CDH23: variants seen among roughly 807,000 people sequenced by gnomAD.
The protein encoded by CDH23 is cadherin related 23, also known as cadherin-23.
Under a neutral mutation model 317.1 loss-of-function variants are expected in CDH23, and 189 were observed. The observed-to-expected ratio is 0.60, with a 90% CI of 0.53 to 0.67. The LOEUF (loss-of-function observed/expected upper bound fraction) is 0.67. Among genes scored for constraint, CDH23 ranks in the 30% least tolerant of loss-of-function variants. The probability of loss-of-function intolerance (pLI) is 0.00; values close to 1 mark genes in which losing one functional copy is unlikely to be tolerated. For missense variants in CDH23, 4,401 were observed against 4,592.4 expected (o/e 0.96, Z 1.20); for synonymous variants, 1,839 against 1,876.8 (o/e 0.98, Z 0.52).
chr10:71,510,326 C>T (rs1287717361), intron 4 of CDH23, 102 bp downstream of exon 4: 6 of 1,296,762 alleles, frequency 4.6e-6, no homozygotes, highest in Non-Finnish European at 5.4e-6. Context: ...CTCTAAGACC[C>T]CATTCTGACT....
intron 5 of CDH23, 55 bp from the exon 6 acceptor site, chr10:71,511,065 G>A: frequency 6.2e-7 from 1 of 1,612,008 alleles, no homozygotes; most frequent in Non-Finnish European, 8.5e-7. Context: ...GACCCCTAGG[G>A]TGGAAGAGGC....
intron 38 of CDH23, among the ~76,000 whole-genome samples, chr10:71,766,353 C>T (rs577707736): frequency 6.6e-6 from 1 of 152,072 alleles, no homozygotes; most frequent in Non-Finnish European, 1.5e-5. Flanking sequence ...AAGACCCAGG[C>T]CCCCCGCCCG....
chr10:71,670,870 G>T (rs1864113458), intron 14 of CDH23, among the ~76,000 whole-genome samples: 1 of 152,118 alleles, frequency 6.6e-6, no homozygotes, highest in South Asian at 2.1e-4. Flanking sequence ...AGCCAGTGGG[G>T]AGCCATTAGA....
At chr10:71,471,696 G>A (rs943669733) in intron 3 of CDH23, among the ~76,000 whole-genome samples, 1 of 151,576 alleles carries the variant, frequency 6.6e-6, no homozygotes, top group African/African-American at 2.4e-5. Context: ...ATCCCACGCC[G>A]TGTTGTTTCT....
chr10:71,719,194 C>A (rs536151966), intron 28 of CDH23, among the ~76,000 whole-genome samples: 1 of 152,206 alleles, frequency 6.6e-6, no homozygotes, highest in South Asian at 2.1e-4. Context: ...TCCTGGAGCA[C>A]GAGGCAAGTC....
intron 1 of CDH23, among the ~76,000 whole-genome samples, chr10:71,433,966 C>T (rs1022965904): frequency 2.1e-4 from 32 of 152,044 alleles, no homozygotes; most frequent in African/African-American, 7.0e-4. Flanking sequence ...ATTCATATCA[C>T]GTGTTTCCTC....
chr10:71,714,631 G>C (rs777073790), intron 28 of CDH23: 1 of 152,226 alleles, frequency 6.6e-6, no homozygotes, highest in African/African-American at 2.4e-5. Context: ...AGATTAATTG[G>C]AGCCAGCTCC....
chr10:71,737,815 G>A (rs926405882), intron 34 of CDH23: 1 of 467,396 alleles, frequency 2.1e-6, no homozygotes, highest in African/African-American at 2.0e-5. Context: ...CTCTCCACAA[G>A]AAGCCCGAGC....
At chr10:71,581,481 G>T (rs1858629804) in intron 9 of CDH23, among the ~76,000 whole-genome samples, 1 of 152,192 alleles carries the variant, frequency 6.6e-6, no homozygotes, top group Admixed American at 6.5e-5. Flanking sequence ...GTCCCCTGAG[G>T]CCCTGTCCCC....
rs1443708995 is a variant in CDH23 at position 71,809,888 on chromosome 10, G to T, written c.8791G>T (p.Asp2931Tyr). Reference protein sequence around the residue: ...MAYSPGYFVVDIVARDLAGHN... With the variant: ...MAYSPGYFVVYIVARDLAGHN... ...CTACAGCCCCGGCTACTTCGTGGTGGACATTGTGGCCCGAGACCTGGCAGG... is the reference window on the plus strand; with the variant it reads ...CTACAGCCCCGGCTACTTCGTGGTGTACATTGTGGCCCGAGACCTGGCAGG... The change falls in exon 61 of 70, where the codon GAC becomes TAC. Residue 2931 changes from aspartate (D) to tyrosine (Y), a missense_variant. Physicochemically the swap from Asp to Tyr is radical, Grantham distance 160. This residue lies in a region of CDH23 where 1,144 missense variants were observed against 1,138.2 expected (regional missense o/e 1.01). Coordinates refer to ENST00000224721, the MANE Select transcript of CDH23 (RefSeq NM_022124.6). 2 of 1,613,398 alleles carry T rather than the reference G, an allele frequency of 1.2e-6. No homozygotes were observed. The highest frequency in any genetic ancestry group is 1.7e-6 in the Non-Finnish European group (2 of 1,179,890).
chr10:71,419,551 C>G (rs1167786378), intron 1 of CDH23, among the ~76,000 whole-genome samples: 1 of 152,102 alleles, frequency 6.6e-6, no homozygotes, highest in Non-Finnish European at 1.5e-5. Flanking sequence ...CTAATTTCCC[C>G]CTAACATTTT....
At chr10:71,727,089 G>T (rs187057320) in intron 30 of CDH23, among the ~76,000 whole-genome samples, 1 of 152,182 alleles carries the variant, frequency 6.6e-6, no homozygotes, top group African/African-American at 2.4e-5. Flanking sequence ...ACACGTGCCC[G>T]ATATTTTTCT....
chr10:71,697,963 C>CTGAAA (rs1865455666), intron 22 of CDH23, among the ~76,000 whole-genome samples: 1 of 152,124 alleles, frequency 6.6e-6, no homozygotes, highest in South Asian at 2.1e-4. Context: ...ATGTGATGAC[C>CTGAAA]TGAAAGTTCA....
intron 38 of CDH23, among the ~76,000 whole-genome samples, chr10:71,758,976 T>A (rs1362113126): frequency 6.6e-6 from 1 of 151,848 alleles, no homozygotes; most frequent in African/African-American, 2.4e-5. Flanking sequence ...TTCAAGCAGC[T>A]CTCATGTCTC....
intron 1 of CDH23, among the ~76,000 whole-genome samples, chr10:71,428,000 A>T (rs548843538): frequency 3.9e-4 from 59 of 152,068 alleles, no homozygotes; most frequent in African/African-American, 1.4e-3. Flanking sequence ...GGCGTGACCC[A>T]CTGTGCCCGG....
intron 6 of CDH23, among the ~76,000 whole-genome samples, chr10:71,564,203 G>A (rs1343420461): frequency 3.9e-5 from 6 of 152,194 alleles, no homozygotes; most frequent in Non-Finnish European, 5.9e-5. Context: ...TGAGTCTGCA[G>A]ATCTGTGTGC....
At chr10:71,627,354 T>C (rs1476567827) in intron 11 of CDH23, among the ~76,000 whole-genome samples, 3 of 144,004 alleles carry the variant, frequency 2.1e-5, no homozygotes, top group Non-Finnish European at 4.5e-5. Flanking sequence ...CCAGTTGCCT[T>C]CAGTGAGGCC....
chr10:71,761,033 T>A, intron 38 of CDH23: 3 of 1,102,190 alleles, frequency 2.7e-6, no homozygotes, highest in Non-Finnish European at 4.1e-6. Context: ...CGCTAGTGCC[T>A]ACTCGGCAGT....
chr10:71,766,624 A>T (rs879783595), intron 38 of CDH23, among the ~76,000 whole-genome samples: 5 of 152,182 alleles, frequency 3.3e-5, no homozygotes, highest in Non-Finnish European at 4.4e-5. Context: ...TCTTATGACC[A>T]TGTATTATGT....
Sources: allele counts gnomAD v4.1 joint callset (sites outside exome capture counted in the v4.1 genomes callset), GRCh38; gene constraint gnomAD v4.1.1; regional missense constraint gnomAD v4.1.1; transcripts MANE v1.5; gene names NCBI Gene and HGNC (gene_info 2026-07-23, HGNC 2026-07-21).